Variants in GRIK3 observed in about 807,000 individuals in gnomAD.
The protein encoded by GRIK3 is glutamate ionotropic receptor kainate type subunit 3.
A neutral mutation model predicts 102.5 loss-of-function variants in GRIK3; 29 were observed. That is an observed-to-expected ratio of 0.28 (90% CI 0.21 to 0.39). The LOEUF (loss-of-function observed/expected upper bound fraction) is 0.39. GRIK3 is among the 10% of genes least tolerant of loss of function. The pLI is 1.00. For synonymous variants in GRIK3, 511 were observed against 504.9 expected (o/e 1.01, Z -0.16); for missense variants, 908 against 1,252.4 (o/e 0.73, Z 4.15).
chr1:36,853,183 C>T (rs1410212415), intron 8 of GRIK3, among the ~76,000 whole-genome samples: 4 of 152,230 alleles, frequency 2.6e-5, no homozygotes, highest in Admixed American at 6.5e-5. Context: ...AGTGAGCTCA[C>T]TACTCACAGG....
At chr1:36,848,557 T>C (rs574237032) in intron 9 of GRIK3, among the ~76,000 whole-genome samples, 21 of 152,288 alleles carry the variant, frequency 1.4e-4, no homozygotes, top group African/African-American at 5.0e-4. Flanking sequence ...TATAAATTAT[T>C]TAATTTTTCA....
At position 36,988,382 on chromosome 1, in the gene GRIK3, T is replaced by C. The variant is rs549119275; in HGVS notation, c.115+45612A>G. 4.6e-5 allele frequency among the ~76,000 whole-genome samples: 7 copies of C among 152,362 alleles called. No individual in the cohort carries two copies. In the South Asian group the frequency reaches 1.4e-3, roughly 32 times the overall value. The stretch of plus-strand genomic sequence containing the variant: ...TGCTGACCCAGTGGGGCAGGAGCAA[T>C]GCTGCAGCCAGCACTTGCCCTCCCA... On this transcript the variant is annotated intron_variant, in intron 1 of 15. Transcript: ENST00000373091.
At chr1:36,964,959 C>T (rs1261485988) in intron 1 of GRIK3, among the ~76,000 whole-genome samples, 1 of 152,170 alleles carries the variant, frequency 6.6e-6, no homozygotes, top group African/African-American at 2.4e-5. Context: ...CTGTTAATTC[C>T]CCCAATTATA....
chr1:36,836,970 G>A (rs1336555411), intron 10 of GRIK3, among the ~76,000 whole-genome samples: 3 of 151,962 alleles, frequency 2.0e-5, no homozygotes, highest in African/African-American at 7.3e-5. Flanking sequence ...ACCTCCTTGA[G>A]GCCACTGACC....
At chr1:36,866,689 G>C (rs1421398617) in intron 5 of GRIK3, among the ~76,000 whole-genome samples, 1 of 152,238 alleles carries the variant, frequency 6.6e-6, no homozygotes, top group Non-Finnish European at 1.5e-5. Flanking sequence ...AGAAAATGAG[G>C]CACAGAGAGG....
At chr1:36,979,072 C>T (rs939782837) in intron 1 of GRIK3, among the ~76,000 whole-genome samples, 1 of 152,234 alleles carries the variant, frequency 6.6e-6, no homozygotes, top group African/African-American at 2.4e-5. Flanking sequence ...AATGTTGGAG[C>T]AGTACAGCTT....
At chr1:36,930,717 T>C (rs905160515) in intron 1 of GRIK3, among the ~76,000 whole-genome samples, 5 of 151,872 alleles carry the variant, frequency 3.3e-5, no homozygotes, top group Non-Finnish European at 4.4e-5. Flanking sequence ...GCCTTTGGAG[T>C]GGGGTATGGG....
At chr1:36,974,291 C>T (rs1358063292) in intron 1 of GRIK3, among the ~76,000 whole-genome samples, 1 of 152,088 alleles carries the variant, frequency 6.6e-6, no homozygotes, top group African/African-American at 2.4e-5. Flanking sequence ...CTTTCAATGA[C>T]AGAAACCGCA....
chr1:36,815,666 T>C (rs1483010078), intron 13 of GRIK3, among the ~76,000 whole-genome samples: 1 of 152,176 alleles, frequency 6.6e-6, no homozygotes, highest in Non-Finnish European at 1.5e-5. Flanking sequence ...GCAGCGTCAC[T>C]TTGGAACTTT....
chr1:37,020,852 C>A (rs1267640209), intron 1 of GRIK3, among the ~76,000 whole-genome samples: 1 of 152,214 alleles, frequency 6.6e-6, no homozygotes, highest in Non-Finnish European at 1.5e-5. Context: ...CGGCTACCCC[C>A]GGCCCTGGCT....
chr1:36,841,149 C>T (rs1049074622), intron 10 of GRIK3, among the ~76,000 whole-genome samples: 19 of 152,152 alleles, frequency 1.2e-4, no homozygotes, highest in African/African-American at 4.3e-4. Context: ...ACACCCCCCA[C>T]CCCCTCACCT....
At chr1:36,915,939 A>T (rs1641394380) in intron 1 of GRIK3, among the ~76,000 whole-genome samples, 1 of 152,172 alleles carries the variant, frequency 6.6e-6, no homozygotes, top group African/African-American at 2.4e-5. Flanking sequence ...GCGACTTTGG[A>T]ACTGGGTAAC....
At chr1:36,910,982 C>T (rs938237144) in intron 1 of GRIK3, among the ~76,000 whole-genome samples, 4 of 152,170 alleles carry the variant, frequency 2.6e-5, no homozygotes, top group Non-Finnish European at 4.4e-5. Flanking sequence ...GAGGAGAGGG[C>T]ATCTTGCGGA....
In GRIK3 at chr1:37,020,754, C is replaced by T. The variant is rs191889561; in HGVS notation, c.115+13240G>A. 2.2e-3 allele frequency among the ~76,000 whole-genome samples: 304 copies of T among 136,318 alleles called. 1 individual carries two copies. The highest frequency in any genetic ancestry group is 7.2e-3 in the African/African-American group (286 of 39,482). 89.4% of individuals were successfully genotyped at this position (136,318 alleles called of 152,430 possible). A position where few individuals can be genotyped will look rare whatever the true frequency, so the allele number is the denominator to read the frequency against. On this transcript the variant is annotated intron_variant, in intron 1 of 15. Coordinates refer to ENST00000373091, the MANE Select transcript of GRIK3 (RefSeq NM_000831.4). ...GCCTACCAGAGTTCTAAAGGAATAG[C>T]ATTTGAAAAAAAAGAATGCCTGTTT...
chr1:36,924,257 A>G (rs1482563559), intron 1 of GRIK3, among the ~76,000 whole-genome samples: 1 of 152,148 alleles, frequency 6.6e-6, no homozygotes, highest in Admixed American at 6.5e-5. Context: ...CATTTCCACT[A>G]GGGTTTCCCT....
At chr1:36,926,220 G>T (rs919790117) in intron 1 of GRIK3, among the ~76,000 whole-genome samples, 4 of 152,176 alleles carry the variant, frequency 2.6e-5, no homozygotes, top group Non-Finnish European at 5.9e-5. Context: ...CTGACAAAAA[G>T]TTAGGCACTC....
chr1:36,815,965 G>A (rs1642621831), intron 13 of GRIK3, among the ~76,000 whole-genome samples: 1 of 151,924 alleles, frequency 6.6e-6, no homozygotes. Context: ...TGGCCAGGCT[G>A]GTCTCGAACT....
chr1:36,881,005 G>T, intron 2 of GRIK3, 114 bp from the exon 3 acceptor site: 1 of 1,146,672 alleles, frequency 8.7e-7, no homozygotes, highest in Non-Finnish European at 1.2e-6. Flanking sequence ...AACCCTCGGT[G>T]GGTGCACAAT....
At chr1:36,999,211 G>C (rs2124026648) in intron 1 of GRIK3, among the ~76,000 whole-genome samples, 1 of 152,236 alleles carries the variant, frequency 6.6e-6, no homozygotes, top group Middle Eastern at 3.4e-3. Flanking sequence ...GAATCAGGGA[G>C]GGATGTTCAG....
Sources: gnomAD v4.1 joint callset for allele counts (sites outside exome capture counted in the v4.1 genomes callset) on GRCh38, gnomAD v4.1.1 for gene constraint, MANE v1.5 for transcripts, NCBI Gene and HGNC (gene_info 2026-07-23, HGNC 2026-07-21) for gene names.